The following PHLPP2 variants were observed in gnomAD, a reference collection of about 807,000 sequenced individuals.
PHLPP2 encodes the protein PH domain leucine-rich repeat-containing protein phosphatase 2.
Under a neutral mutation model 124.9 loss-of-function variants are expected in PHLPP2, and 66 were observed. That is an observed-to-expected ratio of 0.53 (90% CI 0.43 to 0.65). PHLPP2 has a LOEUF of 0.65. PHLPP2 is among the 30% of genes least tolerant of loss of function. The pLI is 0.00. For missense variants in PHLPP2, 1,685 were observed against 1,600.4 expected (o/e 1.05, Z -0.90); for synonymous variants, 681 against 624.7 (o/e 1.09, Z -1.34).
At chr16:71,722,044 G>C (rs895573634) in intron 1 of PHLPP2, among the ~76,000 whole-genome samples, 1 of 152,190 alleles carries the variant, frequency 6.6e-6, no homozygotes, top group Non-Finnish European at 1.5e-5. Context: ...AGAGAAAAAT[G>C]AGTGGGAGAT....
intron 3 of PHLPP2, among the ~76,000 whole-genome samples, chr16:71,697,094 CT>C (rs2045179144): frequency 6.6e-6 from 1 of 151,762 alleles, no homozygotes; most frequent in Non-Finnish European, 1.5e-5. Flanking sequence ...CTGTTTGAAT[CT>C]TTGAGAGGCG....
chr16:71,701,331 CCTACCTACCTA>C (rs1397637105), intron 3 of PHLPP2, among the ~76,000 whole-genome samples: 19 of 60 alleles, frequency 0.32, no homozygotes, highest in East Asian at 0.5. Context: ...TATCTACCTA[CCTACCTACCTA>C]CTACCTACGT....
At chr16:71,662,387 G>A (rs1337915042) in intron 13 of PHLPP2, among the ~76,000 whole-genome samples, 8 of 151,682 alleles carry the variant, frequency 5.3e-5, no homozygotes, top group Non-Finnish European at 1.0e-4. Context: ...CCAAGACCAC[G>A]CCACAGCACT....
At chr16:71,723,091 G>A (rs565048377) in intron 1 of PHLPP2, 31 of 152,376 alleles carry the variant, frequency 2.0e-4, no homozygotes, top group African/African-American at 7.0e-4. Context: ...CCCGCTCCCG[G>A]GAGCAGGAAT....
At chr16:71,654,813 CT>C (rs1202082782) in intron 17 of PHLPP2, among the ~76,000 whole-genome samples, 1 of 152,176 alleles carries the variant, frequency 6.6e-6, no homozygotes, top group Non-Finnish European at 1.5e-5. Context: ...TTATACTTTA[CT>C]TAGAAGATTA....
intron 15 of PHLPP2, 33 bp downstream of exon 15, chr16:71,658,200 C>A (rs2044757601): frequency 6.3e-7 from 1 of 1,599,704 alleles, no homozygotes; most frequent in African/African-American, 1.3e-5. Flanking sequence ...GGGCTAAGAG[C>A]ACATAGAGAT....
Position 71,663,920 on chromosome 16 carries a change from T to C in PHLPP2, c.1964A>G (p.Gln655Arg), listed in dbSNP as rs139342735. The C allele has an allele frequency of 3.1e-6, 5 of 1,613,834 alleles. No individual in the cohort carries two copies. The highest frequency in any genetic ancestry group is 4.2e-6 in the Non-Finnish European group (5 of 1,179,680). ...TTACCTTGCAGGAAAGGTCTGTAAC[T>C]GATTGTTTGCAAGGTGCAAGATTCG... ...HLRILHLANN[Q>R]LQTFPASKLN... Residue 655 changes from glutamine to arginine, a missense_variant, in exon 13 of 19, where the codon CAG becomes CGG. Gln to Arg is a conservative substitution (Grantham distance 43). Transcript: ENST00000568954.
chr16:71,676,330 A>G (rs2044944811), intron 9 of PHLPP2, 117 bp downstream of exon 9: 4 of 717,240 alleles, frequency 5.6e-6, no homozygotes, highest in Admixed American at 2.7e-5. Context: ...CTTTGCCTCA[A>G]TGAGCCACAA....
chr16:71,688,068 T>G (rs762538563), intron 4 of PHLPP2, among the ~76,000 whole-genome samples: 1 of 152,200 alleles, frequency 6.6e-6, no homozygotes, highest in African/African-American at 2.4e-5. Flanking sequence ...TGCCAACTCA[T>G]AGTCATCGTA....
Position 71,649,975 on chromosome 16 carries a change from G to A in PHLPP2, c.2887C>T (p.Leu963Phe). The A allele has an allele frequency of 6.2e-7, 1 of 1,613,862 alleles. No individual in the cohort carries two copies. The highest frequency in any genetic ancestry group is 8.5e-7 in the Non-Finnish European group (1 of 1,179,996). Residue 963 changes from leucine (L) to phenylalanine (F), a missense_variant, in exon 19 of 19, where the codon CTC becomes TTC. Physicochemically the swap from Leu to Phe is conservative, Grantham distance 22. Coordinates refer to ENST00000568954, the MANE Select transcript of PHLPP2 (RefSeq NM_015020.3). Reference protein sequence around the residue: ...LGCTYLYPWILPKPHISSTPL... With the variant: ...LGCTYLYPWIFPKPHISSTPL... ...GTGGAAGATATGTGGGGCTTGGGGA[G>A]GATCCAAGGGTAGAGGTATGTACAG...
Position 71,649,138 on chromosome 16 carries a change from T to C in PHLPP2, c.3724A>G (p.Asn1242Asp). The stretch of plus-strand genomic sequence containing the variant: ...TCCTCTAGGGGCACAATAGAGCCAT[T>C]GGAGAGTTTCTTCCCATAGAGGCAG... ...TSCLYGKKLS[N>D]GSIVPLEDSL... Residue 1242 changes from asparagine to aspartate, a missense_variant, in exon 19 of 19, where the codon AAT becomes GAT. Physicochemically the swap from Asn to Asp is conservative, Grantham distance 23 (BLOSUM62 1). Transcript: ENST00000568954. 2 of 1,614,130 alleles carry C rather than the reference T, an allele frequency of 1.2e-6. No individual in the cohort carries two copies. Among genetic ancestry groups the C allele is most frequent in the Non-Finnish European group, 1.7e-6 (2 of 1,180,000 alleles).
At chr16:71,709,312 C>T (rs959224635) in intron 2 of PHLPP2, among the ~76,000 whole-genome samples, 1 of 152,066 alleles carries the variant, frequency 6.6e-6, no homozygotes, top group Non-Finnish European at 1.5e-5. Flanking sequence ...AATCAGAACT[C>T]AGCATCCCAA....
Position 71,648,754 on chromosome 16 carries a change from G to A in PHLPP2, c.*136C>T, listed in dbSNP as rs2044670880. ...CCATTGCACTCCAGCCTGAGCGACT[G>A]AGCAAGACTCCGTCTCAAAACAAAC... is the stretch of plus-strand genomic sequence containing the variant. On this transcript the variant is annotated 3_prime_UTR_variant, in exon 19 of 19. Transcript: ENST00000568954. The A allele has an allele frequency of 5.7e-6, 4 of 696,350 alleles. No individual in the cohort carries two copies. The highest frequency in any genetic ancestry group is 5.5e-5 in the South Asian group (3 of 54,574). 43.1% of individuals were successfully genotyped at this position (696,350 alleles called of 1,614,324 possible).
chr16:71,707,728 T>G (rs141472275), intron 2 of PHLPP2, among the ~76,000 whole-genome samples: 1 of 152,318 alleles, frequency 6.6e-6, no homozygotes, highest in Non-Finnish European at 1.5e-5. Context: ...CCTCACCCTA[T>G]GTGTCTCTTC....
intron 2 of PHLPP2, among the ~76,000 whole-genome samples, chr16:71,708,292 C>G (rs187665932): frequency 6.6e-6 from 1 of 152,128 alleles, no homozygotes; most frequent in South Asian, 2.1e-4. Flanking sequence ...TGAAAATGGC[C>G]GGCTCCTGCC....
At position 71,714,562 on chromosome 16, in the gene PHLPP2, A is replaced by G. The variant is rs1399746901; in HGVS notation, c.234T>C (p.Ala78=). ...TVETPASEIC[A]GEGRESLYLQ... ...AATAAAGACTTTCTCTTCCCTCTCC[A>G]GCACATATTTCTGATGCTGGTGTCT... Residue 78 remains alanine, a synonymous_variant, in exon 2 of 19, where the codon GCT becomes GCC. Transcript: ENST00000568954. The G allele has an allele frequency of 1.2e-6, 2 of 1,613,944 alleles. No homozygotes were observed. Among genetic ancestry groups the G allele is most frequent in the African/African-American group, 2.7e-5 (2 of 74,920 alleles).
At chr16:71,677,656 C>A (rs1277782306) in intron 8 of PHLPP2, 1 of 150,332 alleles carries the variant, frequency 6.7e-6, no homozygotes, top group Non-Finnish European at 1.5e-5. Flanking sequence ...CTCTTACTGT[C>A]TTTACAAGCT....
chr16:71,714,392 C>A, intron 2 of PHLPP2, 120 bp downstream of exon 2: 2 of 1,293,824 alleles, frequency 1.5e-6, no homozygotes, highest in Non-Finnish European at 2.0e-6. Flanking sequence ...TCTTGAAGCC[C>A]AGTGAGTCCG....
chr16:71,704,348 A>G (rs2045258332), intron 2 of PHLPP2, among the ~76,000 whole-genome samples: 1 of 151,508 alleles, frequency 6.6e-6, no homozygotes, highest in Non-Finnish European at 1.5e-5. Context: ...AGTATTAATA[A>G]CTATAAGAAA....
Sources: gnomAD v4.1 joint callset for allele counts (sites outside exome capture counted in the v4.1 genomes callset) on GRCh38, gnomAD v4.1.1 for gene constraint, MANE v1.5 for transcripts, NCBI Gene and HGNC (gene_info 2026-07-23, HGNC 2026-07-21) for gene names.